The following CEP112 variants were observed in gnomAD, a reference collection of about 807,000 sequenced individuals.
CEP112 encodes the protein centrosomal protein of 112 kDa.
Under a neutral mutation model 153.0 loss-of-function variants are expected in CEP112, and 127 were observed. That is an observed-to-expected ratio of 0.83 (90% confidence interval 0.72 to 0.96). The LOEUF is 0.96. Among genes scored for constraint, CEP112 ranks in the 40% least tolerant of loss-of-function variants. The pLI is 0.00. For synonymous variants in CEP112, 358 were observed against 374.4 expected, an observed-to-expected ratio of 0.96 and a Z score of 0.51; for missense variants, 1,089 against 1,101.2, an observed-to-expected ratio of 0.99 and a Z score of 0.16.
At chr17:65,831,798 A>G (rs569433297) in intron 21 of CEP112, among the ~76,000 whole-genome samples, 3 of 152,318 alleles carry the variant, frequency 2.0e-5, no homozygotes, top group Non-Finnish European at 4.4e-5. Flanking sequence ...CTAAAGACAG[A>G]ACATATAAAA....
intron 19 of CEP112, among the ~76,000 whole-genome samples, chr17:65,916,289 G>GTGTGTGTGTGTATGTA (rs777844271): frequency 2.7e-5 from 4 of 147,246 alleles, no homozygotes; most frequent in South Asian, 2.3e-4. Flanking sequence ...GTGTGTGTGT[G>GTGTGTGTGTGTATGTA]TGTATGTGTG....
In CEP112 at chr17:65,689,243, T is replaced by C. The variant is rs528471848; in HGVS notation, c.2608-25A>G. The C allele has an allele frequency of 3.9e-6, 6 of 1,519,184 alleles. No homozygotes were observed. The African/African-American group carries it at 8.2e-5, about 21-fold the overall frequency. The allele number at this position is 1,519,184 out of a possible 1,614,324, so 94.1% of individuals were successfully genotyped here. ...CCTGAAACGGTATAAAATAAAGATA[T>C]CATTAATAATTAGCACACTTGGAAA... On this transcript the variant is annotated intron_variant, in intron 23 of 26. Transcript: ENST00000535342.
chr17:66,147,634 C>A (rs1012415598), intron 4 of CEP112, among the ~76,000 whole-genome samples: 2 of 151,912 alleles, frequency 1.3e-5, no homozygotes, highest in Non-Finnish European at 2.9e-5. Flanking sequence ...CGTATGTTTC[C>A]CTATTATAGC....
chr17:66,126,862 G>A (rs991860014), intron 6 of CEP112, among the ~76,000 whole-genome samples: 8 of 152,180 alleles, frequency 5.3e-5, no homozygotes, highest in East Asian at 1.9e-4. Context: ...AAATGTATCC[G>A]TAGTCCAGAG....
intron 12 of CEP112, chr17:66,043,234 G>A (rs954521185): frequency 5.7e-6 from 1 of 175,946 alleles, no homozygotes; most frequent in African/African-American, 2.4e-5. Context: ...ATCAGACAAA[G>A]GTAGCATTAG....
At chr17:66,050,160 A>G (rs1373074) in intron 12 of CEP112, among the ~76,000 whole-genome samples, 86,599 of 152,038 alleles carry the variant, frequency 0.57, 25,823 homozygotes, top group African/African-American at 0.67. Flanking sequence ...GTGGGGTCAC[A>G]TTTTTTTCTA....
At chr17:65,903,330 A>G (rs961239172) in intron 19 of CEP112, 5 of 152,338 alleles carry the variant, frequency 3.3e-5, no homozygotes, top group Non-Finnish European at 5.9e-5. Flanking sequence ...GCCTGCTCCA[A>G]ATCGATCTTG....
At chr17:66,168,459 ATATGTG>A (rs1395674437) in intron 4 of CEP112, among the ~76,000 whole-genome samples, 2 of 137,192 alleles carry the variant, frequency 1.5e-5, no homozygotes, top group Admixed American at 7.3e-5. Context: ...GTATATATGT[ATATGTG>A]TGTGTATATA....
chr17:65,694,513 T>A (rs1204364690), intron 23 of CEP112, among the ~76,000 whole-genome samples: 7 of 152,356 alleles, frequency 4.6e-5, no homozygotes, highest in African/African-American at 1.7e-4. Flanking sequence ...TAAAGTGTGA[T>A]CTTTCTAAAG....
intron 23 of CEP112, among the ~76,000 whole-genome samples, chr17:65,719,952 C>T (rs1216368224): frequency 3.3e-5 from 5 of 152,002 alleles, no homozygotes; most frequent in African/African-American, 7.3e-5. Context: ...AGCCTGGGGG[C>T]GGGAGCCTGT....
At chr17:66,073,054 AAACATTT>A (rs1202006708) in intron 8 of CEP112, among the ~76,000 whole-genome samples, 2 of 152,206 alleles carry the variant, frequency 1.3e-5, no homozygotes, top group Non-Finnish European at 2.9e-5. Context: ...TGACTTCAAA[AAACATTT>A]AAGTTTTCTT....
intron 4 of CEP112, among the ~76,000 whole-genome samples, chr17:66,161,760 A>G (rs1277158948): frequency 6.6e-6 from 1 of 152,104 alleles, no homozygotes; most frequent in Non-Finnish European, 1.5e-5. Flanking sequence ...GCAGCAAACC[A>G]CCGTGGCATG....
chr17:65,970,362 T>TATTACATGCACACATCATGCATGTAA (rs746376292), intron 17 of CEP112, among the ~76,000 whole-genome samples: 66,883 of 133,882 alleles, frequency 0.5, 21,940 homozygotes, highest in African/African-American at 0.61. Flanking sequence ...TATGTGCCTA[T>TATTACATGCACACATCATGCATGTAA]ATTACATGCA....
At position 65,635,994 on chromosome 17, in the gene CEP112, G is replaced by A. The variant is rs767059196; in HGVS notation, c.2865-20C>T. ...AGTTACCTGTAAACCAAAAATCGCA[G>A]TCACGACTTTCTCTAGGTTTAACAG... On this transcript the variant is annotated intron_variant, in intron 26 of 26. Coordinates refer to ENST00000535342, the MANE Select transcript of CEP112 (RefSeq NM_001199165.4). The A allele has an allele frequency of 1.3e-6, 2 of 1,596,618 alleles. No homozygotes were observed. Among genetic ancestry groups the A allele is most frequent in the East Asian group, 4.5e-5 (2 of 44,636 alleles).
chr17:65,892,251 T>C (rs536773819), intron 20 of CEP112, among the ~76,000 whole-genome samples: 28 of 152,298 alleles, frequency 1.8e-4, no homozygotes, highest in Admixed American at 3.9e-4. Flanking sequence ...TGAAATGAAG[T>C]TGAAAAAAGT....
intron 21 of CEP112, among the ~76,000 whole-genome samples, chr17:65,769,501 C>A (rs1184347074): frequency 6.6e-6 from 1 of 151,994 alleles, no homozygotes; most frequent in Non-Finnish European, 1.5e-5. Flanking sequence ...ATCACAAATC[C>A]TGATTTAAAA....
At chr17:65,775,098 T>A (rs2053600569) in intron 21 of CEP112, among the ~76,000 whole-genome samples, 1 of 151,982 alleles carries the variant, frequency 6.6e-6, no homozygotes. Flanking sequence ...GACTCCCTCC[T>A]CCCAAGCTTG....
chr17:65,768,828 T>C (rs1470932127), intron 21 of CEP112, among the ~76,000 whole-genome samples: 2 of 152,078 alleles, frequency 1.3e-5, no homozygotes, highest in African/African-American at 2.4e-5. Context: ...GCTAACATCA[T>C]AATCAATGGG....
intron 21 of CEP112, among the ~76,000 whole-genome samples, chr17:65,801,057 TTTTCTTTC>T (rs1012374356): frequency 3.9e-5 from 6 of 152,096 alleles, no homozygotes; most frequent in African/African-American, 1.2e-4. Context: ...GTTGTCTTCA[TTTTCTTTC>T]TTTCTGTCTT....
Sources: gnomAD v4.1 joint callset for allele counts (sites outside exome capture counted in the v4.1 genomes callset) on GRCh38, gnomAD v4.1.1 for gene constraint, MANE v1.5 for transcripts, NCBI Gene and HGNC (gene_info 2026-07-23, HGNC 2026-07-21) for gene names.